The following PDE1A variants were observed in gnomAD, a reference collection of about 807,000 sequenced individuals.
PDE1A encodes the protein dual specificity calcium/calmodulin-dependent 3',5'-cyclic nucleotide phosphodiesterase 1A.
PDE1A carries 35 observed loss-of-function variants against 61.7 expected under a neutral mutation model. The observed-to-expected ratio is 0.57, with a 90% CI of 0.43 to 0.75. PDE1A has a LOEUF of 0.75. Ranked by LOEUF, PDE1A falls within the 30% of genes least tolerant of loss-of-function variation. PDE1A has a pLI of 0.00. For synonymous variants in PDE1A, 232 were observed against 213.2 expected, an observed-to-expected ratio of 1.09 and a Z score of -0.77; for missense variants, 597 against 630.6, an observed-to-expected ratio of 0.95 and a Z score of 0.57.
intron 1 of PDE1A, among the ~76,000 whole-genome samples, chr2:182,380,286 A>AT (rs1240606827): frequency 1.3e-5 from 2 of 150,900 alleles, no homozygotes; most frequent in African/African-American, 2.4e-5. Flanking sequence ...ACTTTTTTGT[A>AT]TTTTTTTAGT....
intron 1 of PDE1A, among the ~76,000 whole-genome samples, chr2:182,414,125 T>C (rs757127026): frequency 6.6e-6 from 1 of 152,014 alleles, no homozygotes; most frequent in Non-Finnish European, 1.5e-5. Context: ...AGAAGAGGTG[T>C]ATTCACAAAG....
chr2:182,280,327 G>A (rs1280489577), intron 1 of PDE1A, among the ~76,000 whole-genome samples: 1 of 151,838 alleles, frequency 6.6e-6, no homozygotes, highest in African/African-American at 2.4e-5. Flanking sequence ...TTGCTCTCCA[G>A]ATCTTACACA....
At chr2:182,649,391 G>A in the PDE1A span, among the ~76,000 whole-genome samples, 3 of 152,114 alleles carry the variant, frequency 2.0e-5, no homozygotes, top group South Asian at 2.1e-4. Context: ...AGTCCCAGCC[G>A]TAGAACATAG....
At chr2:182,329,394 T>A (rs962617003) in intron 1 of PDE1A, among the ~76,000 whole-genome samples, 1 of 151,946 alleles carries the variant, frequency 6.6e-6, no homozygotes, top group Non-Finnish European at 1.5e-5. Flanking sequence ...TTTATTTTAT[T>A]ATTTTTTTTT....
chr2:182,278,957 T>C (rs1052512490), intron 1 of PDE1A, among the ~76,000 whole-genome samples: 6 of 152,018 alleles, frequency 3.9e-5, no homozygotes, highest in East Asian at 1.9e-4. Flanking sequence ...AATTCCAAGA[T>C]TGAAGTTCAT....
the PDE1A span, among the ~76,000 whole-genome samples, chr2:182,571,571 C>T: frequency 1.3e-5 from 2 of 151,934 alleles, no homozygotes; most frequent in Non-Finnish European, 2.9e-5. Flanking sequence ...ACAAGAACTG[C>T]TTATTGCTGG....
chr2:182,676,547 C>T, the PDE1A span, among the ~76,000 whole-genome samples: 3 of 152,112 alleles, frequency 2.0e-5, no homozygotes, highest in African/African-American at 7.2e-5. Context: ...AGAGGAGGGA[C>T]TCCTCCCCAA....
At chr2:182,338,007 T>C (rs1445182529) in intron 1 of PDE1A, among the ~76,000 whole-genome samples, 3 of 152,198 alleles carry the variant, frequency 2.0e-5, no homozygotes, top group African/African-American at 4.8e-5. Context: ...ATTTTTTAAA[T>C]GTCCTTCAGC....
rs117520623 is a variant in PDE1A, at chr2:182,227,924, G to C, written c.675+2082C>G. ...GGAAGACTGTTTCTGTGTAGTCAGT[G>C]CACTAAAAATTCCAAAGGAACTAGA... On this transcript the variant is annotated intron_variant, in intron 6 of 13. Transcript: ENST00000351439. 6.3e-4 allele frequency among the ~76,000 whole-genome samples: 96 copies of C among 152,196 alleles called. 4 individuals carry two copies. In the East Asian group the frequency reaches 0.018, roughly 28 times the overall value.
intron 1 of PDE1A, among the ~76,000 whole-genome samples, chr2:182,351,540 G>C (rs1698878961): frequency 6.6e-6 from 1 of 152,172 alleles, no homozygotes; most frequent in Admixed American, 6.5e-5. Context: ...CATTGAATAA[G>C]AGATGAAAAT....
chr2:182,494,885 G>C (rs1164403795), intron 2 of PDE1A, among the ~76,000 whole-genome samples: 1 of 152,114 alleles, frequency 6.6e-6, no homozygotes, highest in African/African-American at 2.4e-5. Flanking sequence ...TGCTGAATTT[G>C]TCTCTTGTGA....
At chr2:182,659,478 G>T in the PDE1A span, among the ~76,000 whole-genome samples, 11 of 152,260 alleles carry the variant, frequency 7.2e-5, no homozygotes, top group South Asian at 2.1e-3. Context: ...TGAGGTAAAT[G>T]AAATAGTCAT....
intron 1 of PDE1A, among the ~76,000 whole-genome samples, chr2:182,391,418 G>C (rs751644567): frequency 2.5e-4 from 38 of 152,138 alleles, no homozygotes; most frequent in Admixed American, 9.8e-4. Context: ...GATCTCCCTT[G>C]GTTTAATGTA....
chr2:182,191,184 G>C (rs1381773455), intron 10 of PDE1A, among the ~76,000 whole-genome samples: 2 of 152,060 alleles, frequency 1.3e-5, no homozygotes, highest in African/African-American at 4.8e-5. Context: ...TGAAAGATTA[G>C]TTTGTCTGCA....
chr2:182,577,663 T>TA, the PDE1A span, among the ~76,000 whole-genome samples: 3 of 152,198 alleles, frequency 2.0e-5, no homozygotes, highest in Non-Finnish European at 4.4e-5. Flanking sequence ...ATTGCATTCA[T>TA]AAAATTGCAC....
the PDE1A span, among the ~76,000 whole-genome samples, chr2:182,595,238 T>C: frequency 6.6e-6 from 1 of 152,148 alleles, no homozygotes; most frequent in Non-Finnish European, 1.5e-5. Flanking sequence ...AAAAACATAT[T>C]TCTTATGCAA....
chr2:182,559,724 C>T, the PDE1A span, among the ~76,000 whole-genome samples: 6 of 152,048 alleles, frequency 3.9e-5, no homozygotes, highest in Non-Finnish European at 8.8e-5. Context: ...CTGAAAACTA[C>T]CCCAAATGCT....
chr2:182,262,626 C>T (rs1180971925), intron 2 of PDE1A, among the ~76,000 whole-genome samples: 1 of 152,292 alleles, frequency 6.6e-6, no homozygotes, highest in Non-Finnish European at 1.5e-5. Flanking sequence ...GAGTTTCACT[C>T]TGCAGACAAA....
the PDE1A span, among the ~76,000 whole-genome samples, chr2:182,700,913 T>TCA: frequency 2.2e-4 from 33 of 151,820 alleles, no homozygotes; most frequent in African/African-American, 7.7e-4. Context: ...GGAGATTATA[T>TCA]CACACACACA....
Sources: allele counts gnomAD v4.1 joint callset (sites outside exome capture counted in the v4.1 genomes callset), GRCh38; gene constraint gnomAD v4.1.1; transcripts MANE v1.5; gene names NCBI Gene and HGNC (gene_info 2026-07-23, HGNC 2026-07-21).